PPFIA2: variants seen among roughly 807,000 people sequenced by gnomAD.
PPFIA2 encodes PPFI scaffold protein A2, also known as liprin-alpha-2.
PPFIA2 carries 46 observed loss-of-function variants against 175.5 expected under a neutral mutation model. The observed-to-expected ratio is 0.26, with a 90% CI of 0.21 to 0.34. PPFIA2 has a LOEUF of 0.34. Ranked by LOEUF, PPFIA2 falls within the 10% of genes least tolerant of loss-of-function variation. The pLI is 1.00. For synonymous variants in PPFIA2, 568 were observed against 511.4 expected (o/e 1.11, Z -1.49); for missense variants, 1,179 against 1,506.1 (o/e 0.78, Z 3.60).
chr12:81,734,405 T>C (rs1253149066), intron 3 of PPFIA2, among the ~76,000 whole-genome samples: 1 of 151,806 alleles, frequency 6.6e-6, no homozygotes, highest in African/African-American at 2.4e-5. Flanking sequence ...TATTTTAAGT[T>C]ATGTGACAGA....
intron 3 of PPFIA2, among the ~76,000 whole-genome samples, chr12:81,713,263 C>T (rs1001405644): frequency 1.3e-5 from 2 of 150,846 alleles, no homozygotes; most frequent in African/African-American, 4.8e-5. Context: ...TATTTGTATT[C>T]CTCTTTGACA....
intron 22 of PPFIA2, among the ~76,000 whole-genome samples, chr12:81,303,264 A>G (rs1390481251): frequency 6.6e-6 from 1 of 152,180 alleles, no homozygotes; most frequent in African/African-American, 2.4e-5. Flanking sequence ...CTGAAGAATA[A>G]TTTTAGTGTG....
intron 4 of PPFIA2, among the ~76,000 whole-genome samples, chr12:81,473,185 ATCACCTGCTGTCAAGAG>A (rs1319516366): frequency 6.6e-6 from 1 of 152,178 alleles, no homozygotes; most frequent in Non-Finnish European, 1.5e-5. Flanking sequence ...AGGTGCGTGG[ATCACCTGCTGTCAAGAG>A]TTCCAGACCA....
intron 30 of PPFIA2, among the ~76,000 whole-genome samples, chr12:81,265,390 G>GA (rs2036955957): frequency 6.7e-6 from 1 of 149,448 alleles, no homozygotes. Context: ...TGTTACTGCA[G>GA]AAAGTTGATA....
chr12:81,428,679 T>C (rs2047569099), intron 7 of PPFIA2, among the ~76,000 whole-genome samples: 2 of 152,014 alleles, frequency 1.3e-5, no homozygotes, highest in African/African-American at 4.8e-5. Context: ...ACTGAAACTT[T>C]TAGTTTACCA....
chr12:81,572,853 T>C (rs968475424), intron 4 of PPFIA2, among the ~76,000 whole-genome samples: 1 of 151,780 alleles, frequency 6.6e-6, no homozygotes, highest in Non-Finnish European at 1.5e-5. Flanking sequence ...GTTCAGAAAA[T>C]ACGCATACAA....
chr12:81,637,151 C>T (rs2064182695), intron 4 of PPFIA2, among the ~76,000 whole-genome samples: 1 of 148,608 alleles, frequency 6.7e-6, no homozygotes, highest in Non-Finnish European at 1.5e-5. Context: ...CTCACTGCAA[C>T]CTCTGTCTCC....
intron 4 of PPFIA2, among the ~76,000 whole-genome samples, chr12:81,496,631 A>C (rs2060054095): frequency 2.6e-5 from 4 of 152,218 alleles, no homozygotes. Context: ...AATCAATAAC[A>C]ATACTTTCTG....
chr12:81,327,546 AATGAGTCACTT>A (rs2055075087), intron 21 of PPFIA2, among the ~76,000 whole-genome samples: 1 of 152,096 alleles, frequency 6.6e-6, no homozygotes, highest in East Asian at 1.9e-4. Flanking sequence ...AATGAAAATG[AATGAGTCACTT>A]AAAAGTTATA....
At chr12:81,409,801 T>C (rs1361044973) in intron 7 of PPFIA2, among the ~76,000 whole-genome samples, 1 of 152,116 alleles carries the variant, frequency 6.6e-6, no homozygotes, top group Non-Finnish European at 1.5e-5. Flanking sequence ...AAAAACTCAC[T>C]ATGTACAAGT....
At chr12:81,711,129 G>C in intron 3 of PPFIA2, among the ~76,000 whole-genome samples, 1 of 151,238 alleles carries the variant, frequency 6.6e-6, no homozygotes, top group East Asian at 2.0e-4. Flanking sequence ...TTGGGAGGCT[G>C]AGGTGGGAGG....
At chr12:81,400,032 C>A (rs913955568) in intron 8 of PPFIA2, among the ~76,000 whole-genome samples, 2 of 151,938 alleles carry the variant, frequency 1.3e-5, no homozygotes, top group African/African-American at 4.8e-5. Context: ...TGAAGACATG[C>A]CTGTGGATGA....
chr12:81,272,956 T>A (rs1169047480), intron 28 of PPFIA2, among the ~76,000 whole-genome samples: 1 of 152,218 alleles, frequency 6.6e-6, no homozygotes, highest in Admixed American at 6.5e-5. Context: ...ATATACATAA[T>A]AAAATTTATT....
chr12:81,705,873 T>G (rs1306403848), intron 3 of PPFIA2, among the ~76,000 whole-genome samples: 1 of 152,234 alleles, frequency 6.6e-6, no homozygotes, highest in Non-Finnish European at 1.5e-5. Context: ...CATTAAGTCA[T>G]GTTCTAAAGT....
intron 4 of PPFIA2, among the ~76,000 whole-genome samples, chr12:81,523,516 T>C (rs1483909128): frequency 6.6e-6 from 1 of 152,232 alleles, no homozygotes; most frequent in Non-Finnish European, 1.5e-5. Context: ...ATTTTTGTCA[T>C]TAGAACACTT....
At chr12:81,598,240 T>C in intron 4 of PPFIA2, 1 of 1,351,628 alleles carries the variant, frequency 7.4e-7, no homozygotes, top group Non-Finnish European at 9.5e-7. Flanking sequence ...ACCGACCTTT[T>C]GTGAAGCTAG....
chr12:81,659,995 T>A (rs576957070), intron 4 of PPFIA2, among the ~76,000 whole-genome samples: 19 of 152,078 alleles, frequency 1.2e-4, no homozygotes, highest in Non-Finnish European at 2.5e-4. Flanking sequence ...TCCTGACTGT[T>A]AGAAGGAAAA....
intron 7 of PPFIA2, among the ~76,000 whole-genome samples, chr12:81,435,550 C>T (rs1036609308): frequency 1.3e-5 from 2 of 151,198 alleles, no homozygotes; most frequent in African/African-American, 4.9e-5. Flanking sequence ...GAGAATAAGA[C>T]AAGTGGTGGT....
intron 4 of PPFIA2, among the ~76,000 whole-genome samples, chr12:81,479,385 GC>G (rs2057909842): frequency 6.6e-6 from 1 of 152,086 alleles, no homozygotes; most frequent in Non-Finnish European, 1.5e-5. Flanking sequence ...TATCCAATTT[GC>G]CAGTCTGTAT....
Sources: gnomAD v4.1 joint callset for allele counts (sites outside exome capture counted in the v4.1 genomes callset) on GRCh38, gnomAD v4.1.1 for gene constraint, MANE v1.5 for transcripts, NCBI Gene and HGNC (gene_info 2026-07-23, HGNC 2026-07-21) for gene names.